PCDH9: variants seen among roughly 807,000 people sequenced by gnomAD.
The protein encoded by PCDH9 is protocadherin 9.
In PCDH9, 24 loss-of-function variants were observed where a neutral mutation model predicts 70.6. That is an observed-to-expected ratio of 0.34 (90% CI 0.25 to 0.48). The LOEUF (loss-of-function observed/expected upper bound fraction) is 0.48, where lower values mean the gene tolerates loss of function less well. Among genes scored for constraint, PCDH9 ranks in the 20% least tolerant of loss-of-function variants. The pLI is 0.99. For synonymous variants in PCDH9, 562 were observed against 558.5 expected, an observed-to-expected ratio of 1.01 and a Z score of -0.09; for missense variants, 1,281 against 1,503.6, an observed-to-expected ratio of 0.85 and a Z score of 2.45.
rs373167145 is a variant in PCDH9 at position 66,542,963 on chromosome 13, A to C, written c.3340+88247T>G. Among the ~76,000 whole-genome samples, 13 of 151,692 alleles carry C rather than the reference A, an allele frequency of 8.6e-5. No homozygotes were observed. In the East Asian group the frequency reaches 9.7e-4, roughly 11 times the overall value. On this transcript the variant is annotated intron_variant, in intron 4 of 4. Transcript: ENST00000377865. Reference sequence around the variant, plus strand: ...TTTCAATATTTATAACTTTCAAATTAATATGTGTGTGTAGAAAGTCATATG... The same window carrying C: ...TTTCAATATTTATAACTTTCAAATTCATATGTGTGTGTAGAAAGTCATATG...
intron 2 of PCDH9, among the ~76,000 whole-genome samples, chr13:66,944,472 A>T (rs192390236): frequency 1.4e-3 from 219 of 152,230 alleles, no homozygotes; most frequent in African/African-American, 5.1e-3. Flanking sequence ...TTTCTACTTT[A>T]CCTTATTCAG....
intron 4 of PCDH9, among the ~76,000 whole-genome samples, chr13:66,608,671 C>A (rs1374218470): frequency 6.6e-6 from 1 of 151,694 alleles, no homozygotes; most frequent in East Asian, 1.9e-4. Flanking sequence ...CTCCTCCAAG[C>A]AGGAGACACC....
intron 3 of PCDH9, among the ~76,000 whole-genome samples, chr13:66,679,008 A>T (rs914350500): frequency 6.6e-6 from 1 of 151,518 alleles, no homozygotes; most frequent in African/African-American, 2.4e-5. Flanking sequence ...CATATGCATT[A>T]TATTTAACCT....
chr13:66,876,505 G>C (rs1340035338), intron 3 of PCDH9, among the ~76,000 whole-genome samples: 1 of 152,008 alleles, frequency 6.6e-6, no homozygotes, highest in Non-Finnish European at 1.5e-5. Context: ...AAGACCAATG[G>C]AACTTATGTT....
intron 3 of PCDH9, among the ~76,000 whole-genome samples, chr13:66,732,834 G>A (rs1178190499): frequency 6.6e-6 from 1 of 151,748 alleles, no homozygotes; most frequent in African/African-American, 2.4e-5. Context: ...TCCCCAACCT[G>A]GGATCTATGA....
chr13:67,101,445 T>A (rs2086432595), intron 2 of PCDH9, among the ~76,000 whole-genome samples: 1 of 152,222 alleles, frequency 6.6e-6, no homozygotes, highest in Admixed American at 6.5e-5. Context: ...CCAAAGTAGG[T>A]TGCTTAGTTG....
intron 4 of PCDH9, among the ~76,000 whole-genome samples, chr13:66,346,184 A>C (rs1418246327): frequency 1.3e-5 from 2 of 152,166 alleles, no homozygotes; most frequent in African/African-American, 4.8e-5. Context: ...TGTTTAATTA[A>C]TATGGAGTAT....
chr13:66,312,937 C>T (rs974847479), intron 4 of PCDH9, among the ~76,000 whole-genome samples: 1 of 152,158 alleles, frequency 6.6e-6, no homozygotes, highest in African/African-American at 2.4e-5. Flanking sequence ...TAACACATGG[C>T]CACGCCAAGC....
intron 3 of PCDH9, among the ~76,000 whole-genome samples, chr13:66,713,652 T>TATATATATATATAA (rs1356252438): frequency 2.9e-5 from 4 of 139,510 alleles, no homozygotes; most frequent in Admixed American, 1.5e-4. Flanking sequence ...TATATATATA[T>TATATATATATATAA]AATGTACACA....
intron 4 of PCDH9, among the ~76,000 whole-genome samples, chr13:66,472,116 G>A (rs1958629972): frequency 1.3e-5 from 2 of 149,800 alleles, no homozygotes; most frequent in Admixed American, 6.7e-5. Flanking sequence ...GGAGGCTGAG[G>A]CAAAAGAATC....
At chr13:66,640,778 C>T (rs554349944) in intron 3 of PCDH9, among the ~76,000 whole-genome samples, 1 of 152,282 alleles carries the variant, frequency 6.6e-6, no homozygotes, top group South Asian at 2.1e-4. Flanking sequence ...TTAAAAAATG[C>T]TCATGACGGA....
chr13:66,757,982 T>A (rs1016164298), intron 3 of PCDH9, among the ~76,000 whole-genome samples: 3 of 152,036 alleles, frequency 2.0e-5, no homozygotes, highest in Non-Finnish European at 4.4e-5. Flanking sequence ...AATACTAACA[T>A]CATTAATGAA....
chr13:67,228,819 G>T (rs1730429736), intron 1 of PCDH9, among the ~76,000 whole-genome samples: 1 of 152,108 alleles, frequency 6.6e-6, no homozygotes, highest in Admixed American at 6.5e-5. Context: ...ATTCACGCAC[G>T]TTGTTTTTCA....
intron 3 of PCDH9, among the ~76,000 whole-genome samples, chr13:66,870,697 C>G (rs2081661871): frequency 6.6e-6 from 1 of 152,152 alleles, no homozygotes; most frequent in African/African-American, 2.4e-5. Context: ...GATACCATCT[C>G]ACACCAGTTA....
chr13:67,175,041 T>C (rs1326744171), intron 2 of PCDH9, among the ~76,000 whole-genome samples: 2 of 150,476 alleles, frequency 1.3e-5, no homozygotes, highest in African/African-American at 4.9e-5. Flanking sequence ...GAGGCTGAGA[T>C]GGGAGGATTG....
chr13:66,501,758 A>C (rs555531462), intron 4 of PCDH9, among the ~76,000 whole-genome samples: 2 of 152,248 alleles, frequency 1.3e-5, no homozygotes, highest in South Asian at 4.1e-4. Flanking sequence ...CTGACCAAAA[A>C]GAAAAAGAAA....
chr13:66,548,260 T>G (rs1273178941), intron 4 of PCDH9, among the ~76,000 whole-genome samples: 1 of 152,042 alleles, frequency 6.6e-6, no homozygotes, highest in East Asian at 1.9e-4. Context: ...TTATTTAAAA[T>G]TTTTTTAAAA....
At chr13:67,188,976 G>T (rs1435384379) in intron 2 of PCDH9, among the ~76,000 whole-genome samples, 2 of 151,882 alleles carry the variant, frequency 1.3e-5, no homozygotes, top group African/African-American at 4.8e-5. Flanking sequence ...AAAGTCCATT[G>T]TGTCATTCTT....
At chr13:66,862,168 C>T (rs1221029052) in intron 3 of PCDH9, among the ~76,000 whole-genome samples, 1 of 152,130 alleles carries the variant, frequency 6.6e-6, no homozygotes, top group Non-Finnish European at 1.5e-5. Flanking sequence ...ATAATATGTT[C>T]TCAAACTTCA....
Sources: gnomAD v4.1 joint callset for allele counts (sites outside exome capture counted in the v4.1 genomes callset) on GRCh38, gnomAD v4.1.1 for gene constraint, MANE v1.5 for transcripts, NCBI Gene and HGNC (gene_info 2026-07-23, HGNC 2026-07-21) for gene names.